The following STX1A variants were observed in gnomAD, a reference collection of about 807,000 sequenced individuals.
STX1A encodes syntaxin-1A.
Under a neutral mutation model 37.8 loss-of-function variants are expected in STX1A, and 4 were observed. That is an observed-to-expected ratio of 0.11 (90% CI 0.05 to 0.24). STX1A has a LOEUF of 0.24. STX1A is among the 10% of genes least tolerant of loss of function. The probability of loss-of-function intolerance (pLI) is 1.00; values close to 1 mark genes in which losing one functional copy is unlikely to be tolerated. For missense variants in STX1A, 251 were observed against 399.9 expected (o/e 0.63, Z 3.18); for synonymous variants, 135 against 147.4 (o/e 0.92, Z 0.61).
At chr7:73,701,299 T>G (rs1798644889) in intron 8 of STX1A, 2 of 265,744 alleles carry the variant, frequency 7.5e-6, no homozygotes, top group Admixed American at 4.8e-5. Flanking sequence ...CTTCAGTCTT[T>G]AAGAACTTGA....
chr7:73,714,711 GT>G (rs1466127266), intron 1 of STX1A, among the ~76,000 whole-genome samples: 1 of 151,106 alleles, frequency 6.6e-6, no homozygotes, highest in Non-Finnish European at 1.5e-5. Context: ...ACATCCTGGT[GT>G]TTTTTTGTTC....
Position 73,704,341 on chromosome 7 carries a change from T to C in STX1A, c.357+9A>G. On this transcript the variant is annotated intron_variant, in intron 5 of 9. Coordinates refer to ENST00000222812, the MANE Select transcript of STX1A (RefSeq NM_004603.4). Reference sequence around the variant, plus strand: ...AGGTGCCCGCCCATCCTAGACTCCGTGGCCGCACCTGTGTCTTCCGGATCC... The same window carrying C: ...AGGTGCCCGCCCATCCTAGACTCCGCGGCCGCACCTGTGTCTTCCGGATCC... 6.2e-7 allele frequency: 1 copy of C among 1,614,140 alleles called. No homozygotes were observed. Among genetic ancestry groups the C allele is most frequent in the Non-Finnish European group, 8.5e-7 (1 of 1,180,010 alleles).
At chr7:73,712,491 G>C (rs559637397) in intron 1 of STX1A, among the ~76,000 whole-genome samples, 6 of 151,628 alleles carry the variant, frequency 4.0e-5, no homozygotes, top group African/African-American at 1.2e-4. Context: ...TCAGTATCTC[G>C]CACCTTGTTC....
chr7:73,707,372 C>T (rs929512702), intron 3 of STX1A, among the ~76,000 whole-genome samples: 1 of 152,318 alleles, frequency 6.6e-6, no homozygotes, highest in African/African-American at 2.4e-5. Context: ...ATGCCCGCCC[C>T]GGGGTGCCAC....
Position 73,705,254 on chromosome 7 carries a change from C to T in STX1A, c.209-30G>A, listed in dbSNP as rs782645338. ...GGAGGTAGAAAGGGTGGGGGTAGGC[C>T]TCCTAGGCTCCGCGGGGACTGATGT... On this transcript the variant is annotated intron_variant, in intron 3 of 9. Coordinates refer to ENST00000222812, the MANE Select transcript of STX1A (RefSeq NM_004603.4). The surrounding 1 kb of genome is among the most constrained non-coding windows in gnomAD (Gnocchi z 5.2). 1.9e-6 allele frequency: 3 copies of T among 1,590,692 alleles called. No homozygotes were observed. Among genetic ancestry groups the T allele is most frequent in the Admixed American group, 1.7e-5 (1 of 59,968 alleles).
In STX1A at chr7:73,700,310, C is replaced by CA; in HGVS notation, c.*96dup. 1 of 1,245,480 alleles carries CA rather than the reference C, an allele frequency of 8.0e-7. No homozygotes were observed. The highest frequency in any genetic ancestry group is 1.2e-6 in the Non-Finnish European group (1 of 857,244). The allele number at this position is 1,245,480 out of a possible 1,614,324, so 77.2% of individuals were successfully genotyped here. A position where few individuals can be genotyped will look rare whatever the true frequency, so the allele number is the denominator to read the frequency against. ...GGCCGGGAGGGAGGGTGCTCTGAGC[C>CA]AGAGGCGGGGGTTGGGAGGGCAGCC... On this transcript the variant is annotated 3_prime_UTR_variant, in exon 10 of 10. Transcript: ENST00000222812. The surrounding 1 kb of genome is among the most constrained non-coding windows in gnomAD (Gnocchi z 4.4).
Position 73,702,523 on chromosome 7 carries a change from T to C in STX1A, c.678+322A>G, listed in dbSNP as rs369682923. The C allele has an allele frequency of 9.8e-4, 617 of 629,418 alleles. 12 individuals are homozygous for C. In the South Asian group the frequency reaches 0.014, roughly 14 times the overall value. The allele number at this position is 629,418 out of a possible 1,614,324, so 39.0% of individuals were successfully genotyped here. On this transcript the variant is annotated intron_variant, in intron 8 of 9. Coordinates refer to ENST00000222812, the MANE Select transcript of STX1A (RefSeq NM_004603.4). This position sits in a 1 kb window ranked among gnomAD's most constrained non-coding sequence, Gnocchi z 4.7. ...CAGGTCCCTGAGCTGTCCTGGTCAC[T>C]GCTATGCCTTCAGTCTCTGGGGAAA...
rs1798701911 is a variant in STX1A at position 73,702,632 on chromosome 7, C to T, written c.678+213G>A. 1 of 1,415,092 alleles carries T rather than the reference C, an allele frequency of 7.1e-7. No individual in the cohort carries two copies. The highest frequency in any genetic ancestry group is 2.8e-5 in the Admixed American group (1 of 36,182). The allele number at this position is 1,415,092 out of a possible 1,614,324, so 87.7% of individuals were successfully genotyped here. On this transcript the variant is annotated intron_variant, in intron 8 of 9. Transcript: ENST00000222812. The surrounding 1 kb of genome is among the most constrained non-coding windows in gnomAD (Gnocchi z 4.7). The stretch of plus-strand genomic sequence containing the variant: ...GTATAGAGGGTGGGGCCATGCAGGG[C>T]CTGGGGTCCTTGAAGCTCAAGCAGA...
chr7:73,710,656 C>T (rs1286313569), intron 1 of STX1A, among the ~76,000 whole-genome samples: 2 of 152,202 alleles, frequency 1.3e-5, no homozygotes, highest in Non-Finnish European at 2.9e-5. Context: ...AACTCCTGAC[C>T]TCAGGTGATC....
rs200428394 is a variant in STX1A, at chr7:73,705,246, G to A, written c.209-22C>T. On this transcript the variant is annotated intron_variant, in intron 3 of 9. Transcript: ENST00000222812. The surrounding 1 kb of genome is among the most constrained non-coding windows in gnomAD (Gnocchi z 5.2). ...GTCTCTGGGGAGGTAGAAAGGGTGGGGGTAGGCCTCCTAGGCTCCGCGGGG... is the reference window on the plus strand; with the variant it reads ...GTCTCTGGGGAGGTAGAAAGGGTGGAGGTAGGCCTCCTAGGCTCCGCGGGG... The A allele has an allele frequency of 2.4e-4, 387 of 1,609,120 alleles. 1 individual carries two copies. The highest frequency in any genetic ancestry group is 2.2e-4 in the Admixed American group (13 of 59,992).
In STX1A at chr7:73,702,536, G is replaced by T; in HGVS notation, c.678+309C>A. On this transcript the variant is annotated intron_variant, in intron 8 of 9. Coordinates refer to ENST00000222812, the MANE Select transcript of STX1A (RefSeq NM_004603.4). This position sits in a 1 kb window ranked among gnomAD's most constrained non-coding sequence, Gnocchi z 4.7. ...TGTCCTGGTCACTGCTATGCCTTCA[G>T]TCTCTGGGGAAATGCGTGGCCCACA... The T allele has an allele frequency of 1.4e-6, 1 of 697,330 alleles. No individual in the cohort carries two copies. Among genetic ancestry groups the T allele is most frequent in the Non-Finnish European group, 2.3e-6 (1 of 443,932 alleles). 43.2% of individuals were successfully genotyped at this position (697,330 alleles called of 1,614,324 possible). A position where few individuals can be genotyped will look rare whatever the true frequency, so the allele number is the denominator to read the frequency against.
intron 3 of STX1A, among the ~76,000 whole-genome samples, chr7:73,708,042 G>A (rs573864424): frequency 3.2e-4 from 49 of 151,612 alleles, no homozygotes; most frequent in Middle Eastern, 3.4e-3. Flanking sequence ...GAAGCAGGTG[G>A]ATCACGAGGT....
At chr7:73,718,126 T>A (rs1799355407) in intron 1 of STX1A, among the ~76,000 whole-genome samples, 4 of 152,136 alleles carry the variant, frequency 2.6e-5, no homozygotes, top group Admixed American at 2.6e-4. Context: ...TCATTCTGAC[T>A]CAACGGAGCT....
chr7:73,708,817 G>A (rs1554617507), intron 2 of STX1A, 129 bp from the exon 3 acceptor site: 5 of 1,015,434 alleles, frequency 4.9e-6, no homozygotes, highest in Admixed American at 4.1e-5. Flanking sequence ...GGGTGCTGGG[G>A]TGCAGTGGGG....
chr7:73,712,902 AC>A (rs1368171072), intron 1 of STX1A, among the ~76,000 whole-genome samples: 1 of 152,038 alleles, frequency 6.6e-6, no homozygotes, highest in Non-Finnish European at 1.5e-5. Flanking sequence ...CAGCACACAA[AC>A]TGAATCTGCT....
chr7:73,715,189 C>T (rs797029606), intron 1 of STX1A, among the ~76,000 whole-genome samples: 12 of 151,242 alleles, frequency 7.9e-5, no homozygotes, highest in African/African-American at 2.7e-4. Flanking sequence ...TTTGGGAGGC[C>T]GAGGCGGGCA....
intron 8 of STX1A, chr7:73,701,151 GA>G: frequency 1.7e-6 from 1 of 593,176 alleles, no homozygotes; most frequent in South Asian, 2.1e-5. Flanking sequence ...CCAGGCAGAG[GA>G]AGGTGGGAGC....
intron 1 of STX1A, among the ~76,000 whole-genome samples, chr7:73,718,381 G>T (rs1554619049): frequency 6.6e-6 from 1 of 152,120 alleles, no homozygotes; most frequent in African/African-American, 2.4e-5. Flanking sequence ...GACATAATGG[G>T]GCAGACAGGC....
chr7:73,704,175 CT>C lies in STX1A; in HGVS notation c.438del (p.Gly147AlafsTer46). ...ATCTCCAGCTGCCTCTGGATGCGGC[CT>C]TTGCAGCGCTCGCGGTAGTCGGACT... ...ATQSDYRERCKGRIQRQLEIT... is the reference protein window; with the variant it reads ...ATQSDYRERCXGRIQRQLEIT... On this transcript the variant is annotated frameshift_variant, in exon 6 of 10. Transcript: ENST00000222812. LOFTEE classifies it high-confidence loss of function. 6.2e-7 allele frequency: 1 copy of C among 1,612,620 alleles called. No homozygotes were observed.
Sources: gnomAD v4.1 joint callset for allele counts (sites outside exome capture counted in the v4.1 genomes callset) on GRCh38, gnomAD v4.1.1 for gene constraint, Gnocchi (gnomAD v3.1) non-coding constraint, MANE v1.5 for transcripts, NCBI Gene and HGNC (gene_info 2026-07-23, HGNC 2026-07-21) for gene names.